Variants in CDH12 observed in about 807,000 individuals in gnomAD.
CDH12 encodes the protein cadherin 12.
Under a neutral mutation model 74.1 loss-of-function variants are expected in CDH12, and 41 were observed. The observed-to-expected ratio is 0.55, with a 90% CI of 0.43 to 0.72. CDH12 has a LOEUF of 0.72. Among genes scored for constraint, CDH12 ranks in the 30% least tolerant of loss-of-function variants. The pLI is 0.00. For synonymous variants in CDH12, 399 were observed against 355.0 expected (o/e 1.12, Z -1.39); for missense variants, 945 against 977.2 (o/e 0.97, Z 0.44).
chr5:22,188,534 A>G (rs150976434), intron 4 of CDH12, among the ~76,000 whole-genome samples: 3,455 of 152,292 alleles, frequency 0.023, 46 homozygotes, highest in Middle Eastern at 0.099. Context: ...TTTCGTTCAC[A>G]TTGGCATCAC....
chr5:22,596,649 C>G (rs1215059020), intron 1 of CDH12, among the ~76,000 whole-genome samples: 2 of 152,158 alleles, frequency 1.3e-5, no homozygotes, highest in Non-Finnish European at 2.9e-5. Context: ...CATTGCCTCA[C>G]TGACTTTTTC....
chr5:22,568,985 G>A (rs955163753), intron 1 of CDH12, among the ~76,000 whole-genome samples: 1 of 152,156 alleles, frequency 6.6e-6, no homozygotes, highest in Non-Finnish European at 1.5e-5. Flanking sequence ...GTTGCTAAAG[G>A]TTGTCGCAGC....
At chr5:22,106,274 T>A (rs1412208230) in intron 4 of CDH12, among the ~76,000 whole-genome samples, 1 of 152,168 alleles carries the variant, frequency 6.6e-6, no homozygotes, top group Non-Finnish European at 1.5e-5. Context: ...TCCCCAAACA[T>A]AAAAGTTAAA....
At chr5:22,245,051 C>T (rs1381027931) in intron 3 of CDH12, among the ~76,000 whole-genome samples, 6 of 152,070 alleles carry the variant, frequency 3.9e-5, no homozygotes, top group African/African-American at 1.4e-4. Context: ...CGGCAGAGCA[C>T]GCACGAGGGG....
chr5:21,954,610 G>A (rs1353493117), intron 6 of CDH12, among the ~76,000 whole-genome samples: 4 of 152,214 alleles, frequency 2.6e-5, no homozygotes, highest in South Asian at 4.1e-4. Context: ...CTAAAACTCT[G>A]TGTGTTGCTT....
chr5:22,440,303 C>A (rs953023214), intron 2 of CDH12, among the ~76,000 whole-genome samples: 4 of 151,926 alleles, frequency 2.6e-5, no homozygotes, highest in African/African-American at 9.7e-5. Flanking sequence ...ATGAGAAACT[C>A]GAAGCATAAA....
intron 6 of CDH12, among the ~76,000 whole-genome samples, chr5:21,951,829 G>T (rs1030867240): frequency 6.6e-6 from 1 of 152,142 alleles, no homozygotes; most frequent in African/African-American, 2.4e-5. Flanking sequence ...CTCTCAAATA[G>T]CAGGAAAGAA....
At chr5:22,364,815 A>C (rs1157923688) in intron 3 of CDH12, among the ~76,000 whole-genome samples, 1 of 152,184 alleles carries the variant, frequency 6.6e-6, no homozygotes, top group Non-Finnish European at 1.5e-5. Context: ...TGAATGAGAC[A>C]GAATTTGAAC....
intron 1 of CDH12, among the ~76,000 whole-genome samples, chr5:22,632,090 T>C (rs952375690): frequency 6.6e-6 from 1 of 151,982 alleles, no homozygotes; most frequent in African/African-American, 2.4e-5. Flanking sequence ...AGGGTGAGGA[T>C]CTTAAAACTA....
Position 22,038,970 on chromosome 5 carries a change from C to T in CDH12, c.231+39476G>A, listed in dbSNP as rs368009386. ...CTGAGATGCTGAACGTCATTCTTCCCGGGGAGTTAAATTATAGCTGTGACG... is the reference window on the plus strand; with the variant it reads ...CTGAGATGCTGAACGTCATTCTTCCTGGGGAGTTAAATTATAGCTGTGACG... On this transcript the variant is annotated intron_variant, in intron 5 of 14. Coordinates refer to ENST00000382254, the MANE Select transcript of CDH12 (RefSeq NM_004061.5). 1.1e-3 allele frequency among the ~76,000 whole-genome samples: 172 copies of T among 152,228 alleles called. 2 individuals carry two copies. In the South Asian group the frequency reaches 0.035, roughly 31 times the overall value.
At chr5:22,139,216 T>G (rs1401973685) in intron 4 of CDH12, 2 of 149,602 alleles carry the variant, frequency 1.3e-5, no homozygotes, top group African/African-American at 2.5e-5. Context: ...TTGCCAGTTT[T>G]TACTGAGCAC....
chr5:22,143,511 G>C (rs1746950809), intron 4 of CDH12: 1 of 151,672 alleles, frequency 6.6e-6, no homozygotes, highest in Non-Finnish European at 1.5e-5. Context: ...TGGGATTACA[G>C]GTGCCCACCA....
chr5:22,214,917 A>G lies in CDH12; in HGVS notation c.-332-2274T>C, dbSNP rs868140564. Among the ~76,000 whole-genome samples, 24 of 152,336 alleles carry G rather than the reference A, an allele frequency of 1.6e-4. 1 individual carries two copies. The highest frequency in any genetic ancestry group is 1.6e-4 in the Non-Finnish European group (11 of 68,028). On this transcript the variant is annotated intron_variant, in intron 3 of 14. Transcript: ENST00000382254. ...GACTCTTCAGTAGTTTTTTTAACCT[A>G]TGTTGGAACACTAATTGATTTTATG...
chr5:22,160,610 T>G (rs185777688), intron 4 of CDH12, among the ~76,000 whole-genome samples: 1 of 152,312 alleles, frequency 6.6e-6, no homozygotes, highest in African/African-American at 2.4e-5. Flanking sequence ...AATTTATATT[T>G]AACAGTTCTA....
At chr5:22,569,429 G>A (rs1739439011) in intron 1 of CDH12, among the ~76,000 whole-genome samples, 1 of 152,160 alleles carries the variant, frequency 6.6e-6, no homozygotes, top group African/African-American at 2.4e-5. Flanking sequence ...CTGAGCAGAT[G>A]CTGATGCCAT....
At chr5:22,667,390 A>G (rs1443450059) in intron 1 of CDH12, among the ~76,000 whole-genome samples, 1 of 152,154 alleles carries the variant, frequency 6.6e-6, no homozygotes, top group African/African-American at 2.4e-5. Flanking sequence ...CAGACAGGGT[A>G]GAATATTAGA....
At chr5:22,605,566 G>C (rs1011455904) in intron 1 of CDH12, among the ~76,000 whole-genome samples, 1 of 152,184 alleles carries the variant, frequency 6.6e-6, no homozygotes, top group Non-Finnish European at 1.5e-5. Flanking sequence ...AATCCCAAGA[G>C]ACAAGTGGGG....
chr5:22,027,393 C>A (rs1738439317), intron 5 of CDH12, among the ~76,000 whole-genome samples: 1 of 152,142 alleles, frequency 6.6e-6, no homozygotes, highest in Admixed American at 6.6e-5. Flanking sequence ...GGAATGGTAC[C>A]AGTTCCTCCT....
chr5:21,828,820 GC>G (rs1281470198), intron 8 of CDH12, among the ~76,000 whole-genome samples: 1 of 150,592 alleles, frequency 6.6e-6, no homozygotes, highest in African/African-American at 2.5e-5. Context: ...ACAACCTAAA[GC>G]CACATTTTGA....
Sources: gnomAD v4.1 joint callset for allele counts (sites outside exome capture counted in the v4.1 genomes callset) on GRCh38, gnomAD v4.1.1 for gene constraint, MANE v1.5 for transcripts, NCBI Gene and HGNC (gene_info 2026-07-23, HGNC 2026-07-21) for gene names.